HTR2C: variants seen among roughly 807,000 people sequenced by gnomAD.
HTR2C encodes 5-hydroxytryptamine receptor 2C, also known as 5-hydroxytryptamine (serotonin) receptor 2C, G protein-coupled.
Under a neutral mutation model 21.0 loss-of-function variants are expected in HTR2C, and 5 were observed. That is an observed-to-expected ratio of 0.24 (90% CI 0.12 to 0.50). HTR2C has a LOEUF of 0.50. HTR2C is among the 20% of genes least tolerant of loss of function. The probability of loss-of-function intolerance (pLI) is 0.98; values close to 1 mark genes in which losing one functional copy is unlikely to be tolerated. For synonymous variants in HTR2C, 150 were observed against 145.3 expected (o/e 1.03, Z -0.23); for missense variants, 271 against 371.2 (o/e 0.73, Z 2.22).
At chrX:114,727,717 A>C (rs1242828697) in intron 3 of HTR2C, among the ~76,000 whole-genome samples, 1 of 111,936 alleles carries the variant, frequency 8.9e-6, no homozygotes, top group Non-Finnish European at 1.9e-5. Flanking sequence ...CTTGTAAAAG[A>C]GCTCACCCAG....
chrX:114,867,284 G>A (rs1171143851), intron 5 of HTR2C, among the ~76,000 whole-genome samples: 1 of 111,285 alleles, frequency 9.0e-6, no homozygotes, highest in Non-Finnish European at 1.9e-5. Context: ...TTGTATGCTT[G>A]TTTGTCATTT....
chrX:114,687,741 G>A (rs1931964236), intron 2 of HTR2C, among the ~76,000 whole-genome samples: 1 of 111,488 alleles, frequency 9.0e-6, no homozygotes, highest in Admixed American at 9.6e-5. Context: ...AAGTGCAGTT[G>A]AGACTCTTAA....
chrX:114,648,719 C>A (rs781798881), intron 2 of HTR2C, among the ~76,000 whole-genome samples: 1 of 111,637 alleles, frequency 9.0e-6, no homozygotes, highest in South Asian at 3.7e-4. Context: ...AGAGTGAGAC[C>A]TTGTCTCAAA....
chrX:114,721,305 T>TGCAGCCA (rs1556420661), intron 2 of HTR2C, among the ~76,000 whole-genome samples: 2 of 71,380 alleles, frequency 2.8e-5, no homozygotes, highest in African/African-American at 5.6e-5. Flanking sequence ...TTTGGCTGCA[T>TGCAGCCA]AAATGTCTTC....
intron 2 of HTR2C, among the ~76,000 whole-genome samples, chrX:114,642,506 T>C (rs1930175143): frequency 8.9e-6 from 1 of 112,388 alleles, no homozygotes; most frequent in South Asian, 3.6e-4. Flanking sequence ...TACCATCATA[T>C]AGAAAGTTTA....
At chrX:114,807,963 G>A (rs947391620) in intron 4 of HTR2C, among the ~76,000 whole-genome samples, 8 of 110,904 alleles carry the variant, frequency 7.2e-5, no homozygotes, top group African/African-American at 1.6e-4. Flanking sequence ...GAGCCACCGC[G>A]CCCGCCCCAT....
At chrX:114,694,486 T>C (rs1200681445) in intron 2 of HTR2C, among the ~76,000 whole-genome samples, 224 of 11,595 alleles carry the variant, frequency 0.019, 12 homozygotes, top group African/African-American at 0.057. Flanking sequence ...TATATATATA[T>C]ATATATACAC....
intron 2 of HTR2C, among the ~76,000 whole-genome samples, chrX:114,705,239 C>T (rs1318912672): frequency 1.8e-5 from 2 of 110,927 alleles, no homozygotes; most frequent in South Asian, 7.7e-4. Flanking sequence ...AAAAAGAGCC[C>T]GCATTGCCAA....
intron 4 of HTR2C, among the ~76,000 whole-genome samples, chrX:114,737,325 C>T (rs2069601269): frequency 9.4e-6 from 1 of 106,714 alleles, no homozygotes; most frequent in Admixed American, 1.0e-4. Context: ...CTCCTGGGTT[C>T]GAGTGATTCT....
chrX:114,852,634 C>A lies in HTR2C; in HGVS notation c.550+4431C>A, dbSNP rs781945291. On this transcript the variant is annotated intron_variant, in intron 5 of 5. Coordinates refer to ENST00000276198, the MANE Select transcript of HTR2C (RefSeq NM_000868.4). ...AAATACTCCAATTAAAAGCTAAATT[C>A]ATTCTATTATTTTTTACACTCACTA... Among the ~76,000 whole-genome samples the A allele has an allele frequency of 2.7e-5, 3 of 111,120 alleles. No homozygotes were observed. The South Asian group carries it at 1.1e-3, about 42-fold the overall frequency.
Position 114,870,096 on chromosome X carries a change from A to ATTTT in HTR2C, c.550+21898_550+21901dup, listed in dbSNP as rs199741683. On this transcript the variant is annotated intron_variant, in intron 5 of 5. Coordinates refer to ENST00000276198, the MANE Select transcript of HTR2C (RefSeq NM_000868.4). ...TGTAGTTTTATTTATTATTATTATT[A>ATTTT]TTTTTTTTGAGATGGGGTTTAACTC... Among the ~76,000 whole-genome samples the ATTTT allele has an allele frequency of 6.6e-5, 7 of 105,503 alleles. 1 individual carries two copies. In the Admixed American group the frequency reaches 7.2e-4, roughly 11 times the overall value. The allele number at this position is 105,503 out of a possible 115,157, so 91.6% of individuals were successfully genotyped here. A position where few individuals can be genotyped will look rare whatever the true frequency, so the allele number is the denominator to read the frequency against.
intron 2 of HTR2C, among the ~76,000 whole-genome samples, chrX:114,703,995 C>T (rs1316766523): frequency 9.1e-6 from 1 of 110,185 alleles, no homozygotes; most frequent in Non-Finnish European, 1.9e-5. Context: ...TACACCCTCC[C>T]AAGAATAAAC....
At chrX:114,700,538 A>G (rs782185250) in intron 2 of HTR2C, among the ~76,000 whole-genome samples, 2 of 112,297 alleles carry the variant, frequency 1.8e-5, no homozygotes, top group Non-Finnish European at 3.8e-5. Context: ...TGATTATTTT[A>G]TGTTCATTTC....
At chrX:114,755,138 G>T (rs1413776350) in intron 4 of HTR2C, among the ~76,000 whole-genome samples, 1 of 109,540 alleles carries the variant, frequency 9.1e-6, no homozygotes, top group Non-Finnish European at 1.9e-5. Context: ...TACTTGGGAG[G>T]CTGAGGCAGG....
At chrX:114,733,406 T>TA (rs1461710348) in intron 4 of HTR2C, among the ~76,000 whole-genome samples, 3 of 104,646 alleles carry the variant, frequency 2.9e-5, no homozygotes, top group Middle Eastern at 4.9e-3. Flanking sequence ...CAATACTCCA[T>TA]AAAAAAATTT....
chrX:114,835,742 C>T (rs1316643838), intron 4 of HTR2C, among the ~76,000 whole-genome samples: 10 of 112,209 alleles, frequency 8.9e-5, no homozygotes, highest in Non-Finnish European at 1.9e-5. Flanking sequence ...TGTTCCATTG[C>T]TGGTGAGGAA....
chrX:114,783,363 A>G (rs1556440990), intron 4 of HTR2C, among the ~76,000 whole-genome samples: 1 of 112,022 alleles, frequency 8.9e-6, no homozygotes, highest in Non-Finnish European at 1.9e-5. Flanking sequence ...AAGAGAGTAA[A>G]AGAACATTAC....
intron 5 of HTR2C, among the ~76,000 whole-genome samples, chrX:114,876,075 A>C (rs1418933310): frequency 3.6e-5 from 4 of 110,315 alleles, no homozygotes; most frequent in African/African-American, 1.3e-4. Context: ...TGTGACTCCA[A>C]TGTCTTTTGT....
intron 4 of HTR2C, among the ~76,000 whole-genome samples, chrX:114,808,047 A>T (rs1405750097): frequency 3.6e-5 from 4 of 110,831 alleles, no homozygotes; most frequent in African/African-American, 1.3e-4. Context: ...CAAATACTAG[A>T]TCTTACTCAT....
Sources: gnomAD v4.1 joint callset for allele counts (sites outside exome capture counted in the v4.1 genomes callset) on GRCh38, gnomAD v4.1.1 for gene constraint, MANE v1.5 for transcripts, NCBI Gene and HGNC (gene_info 2026-07-23, HGNC 2026-07-21) for gene names.